Variants in IL16 observed in about 807,000 individuals in gnomAD.
The protein encoded by IL16 is interleukin 16.
A neutral mutation model predicts 110.1 loss-of-function variants in IL16; 67 were observed. The ratio of observed to expected loss-of-function variants is 0.61; its 90% confidence interval spans 0.50 to 0.75. The LOEUF is 0.75. Among genes scored for constraint, IL16 ranks in the 30% least tolerant of loss-of-function variants. The probability of loss-of-function intolerance (pLI) is 0.00; values close to 1 mark genes in which losing one functional copy is unlikely to be tolerated. For missense variants in IL16, 1,545 were observed against 1,655.0 expected, an observed-to-expected ratio of 0.93 and a Z score of 1.15; for synonymous variants, 689 against 662.9, an observed-to-expected ratio of 1.04 and a Z score of -0.61.
At chr15:81,275,356 A>AGGAGGGGGGGGAGGGGAGG (rs1413201570) in intron 6 of IL16, among the ~76,000 whole-genome samples, 4 of 19,264 alleles carry the variant, frequency 2.1e-4, no homozygotes, top group African/African-American at 7.7e-4. Flanking sequence ...TTGACGGGGG[A>AGGAGGGGGGGGAGGGGAGG]GGAGGGGGGG....
chr15:81,186,244 C>A (rs776950295), intron 1 of IL16, among the ~76,000 whole-genome samples: 1 of 152,204 alleles, frequency 6.6e-6, no homozygotes, highest in African/African-American at 2.4e-5. Context: ...TTACCTACAG[C>A]GCTTTATTTT....
At chr15:81,258,529 C>T (rs542602761) in intron 2 of IL16, among the ~76,000 whole-genome samples, 4 of 152,006 alleles carry the variant, frequency 2.6e-5, no homozygotes, top group African/African-American at 4.8e-5. Context: ...GATGAAACTC[C>T]GTCTCTACAA....
chr15:81,306,827 G>T (rs1900593538), intron 18 of IL16: 2 of 471,342 alleles, frequency 4.2e-6, no homozygotes, highest in Non-Finnish European at 7.8e-6. Context: ...GTGGGGCAGT[G>T]AGGCACTGGC....
chr15:81,183,844 C>T (rs967690226), intron 1 of IL16, among the ~76,000 whole-genome samples: 2 of 152,182 alleles, frequency 1.3e-5, no homozygotes, highest in Non-Finnish European at 1.5e-5. Flanking sequence ...TTCAAAGGCT[C>T]ACTTTCCTCC....
At chr15:81,195,985 G>A (rs912386124), upstream of IL16, among the ~76,000 whole-genome samples, 10 of 151,696 alleles carry the variant, frequency 6.6e-5, no homozygotes, top group African/African-American at 2.4e-4. Flanking sequence ...TATACGTTAG[G>A]TCATGGGCTC....
At chr15:81,246,969 A>G (rs930413336) in intron 2 of IL16, among the ~76,000 whole-genome samples, 3 of 151,498 alleles carry the variant, frequency 2.0e-5, no homozygotes, top group African/African-American at 4.8e-5. Context: ...AATTTATGCT[A>G]TACAGTTATT....
chr15:81,292,654 A>G lies in IL16; in HGVS notation c.1519A>G (p.Met507Val). The G allele has an allele frequency of 6.2e-7, 1 of 1,614,056 alleles. No homozygotes were observed. The highest frequency in any genetic ancestry group is 1.7e-4 in the Middle Eastern group (1 of 6,058). Residue 507 changes from methionine to valine, a missense_variant, in exon 12 of 19, where the codon ATG (methionine) becomes GTG (valine). Met to Val is a conservative substitution (Grantham distance 21). Around this residue, in one of 3 missense-constraint regions of IL16, gnomAD observed 1,185 missense variants for 1,238.8 expected, o/e 0.96. Coordinates refer to ENST00000683961, the MANE Select transcript of IL16 (RefSeq NM_172217.5). ...APPHRRAQKV[M>V]IRSSSDSSYM... is the part of the protein sequence containing the mutation. ...CCCGCATCGCAGGGCTCAGAAGGTC[A>G]TGATCCGCTCCAGCAGTGACAGCAG...
At chr15:81,193,555 A>G (rs1895531571), upstream of IL16, among the ~76,000 whole-genome samples, 1 of 152,160 alleles carries the variant, frequency 6.6e-6, no homozygotes, top group Admixed American at 6.5e-5. Context: ...CCTGATGGAC[A>G]GTTTGAAAGA....
intron 1 of IL16, among the ~76,000 whole-genome samples, chr15:81,216,440 A>G (rs1205540225): frequency 6.6e-6 from 1 of 152,066 alleles, no homozygotes; most frequent in Non-Finnish European, 1.5e-5. Flanking sequence ...TTCCCTCTTC[A>G]GCCTCAGCTT....
intron 2 of IL16, among the ~76,000 whole-genome samples, chr15:81,259,216 AT>A (rs1448205202): frequency 6.6e-6 from 1 of 152,230 alleles, no homozygotes; most frequent in Non-Finnish European, 1.5e-5. Context: ...TTTATATAAC[AT>A]TCATTCCGCA....
intron 1 of IL16, 125 bp from the exon 2 acceptor site, chr15:81,225,174 A>T (rs1267379553): frequency 4.0e-6 from 3 of 741,020 alleles, no homozygotes; most frequent in Non-Finnish European, 6.3e-6. Context: ...ATCTTAAAGG[A>T]TGATCTGCCC....
chr15:81,290,902 A>G (rs1386821912), intron 11 of IL16, among the ~76,000 whole-genome samples: 1 of 152,278 alleles, frequency 6.6e-6, no homozygotes, highest in African/African-American at 2.4e-5. Context: ...ATAGAATATT[A>G]GAAAAACTAA....
At chr15:81,207,155 G>A (rs1179028235) in intron 1 of IL16, among the ~76,000 whole-genome samples, 5 of 150,836 alleles carry the variant, frequency 3.3e-5, no homozygotes, top group South Asian at 2.1e-4. Context: ...GGAGAATGGC[G>A]TGAACCTGGG....
chr15:81,263,195 G>A (rs1054592963), intron 3 of IL16, among the ~76,000 whole-genome samples: 1 of 152,096 alleles, frequency 6.6e-6, no homozygotes, highest in Non-Finnish European at 1.5e-5. Flanking sequence ...CATGAAAGAT[G>A]AAGAAGTTAG....
In IL16 at chr15:81,186,246, C is replaced by CTTTATT. The variant is rs1489959721; in HGVS notation, c.40+3366_40+3371dup. 2.0e-5 allele frequency among the ~76,000 whole-genome samples: 3 copies of CTTTATT among 152,300 alleles called. No individual in the cohort carries two copies. In the East Asian group the frequency reaches 5.8e-4, roughly 29 times the overall value. On this transcript the variant is annotated intron_variant, in intron 1 of 18. Transcript: ENST00000302987. The stretch of plus-strand genomic sequence containing the variant: ...GACTCATTTGATCTTACCTACAGCG[C>CTTTATT]TTTATTTTTATTTTTATTTTTTATT...
At chr15:81,282,508 C>CTACTCTGTGAA in intron 8 of IL16, 131 bp from the exon 9 acceptor site, 1 of 722,130 alleles carries the variant, frequency 1.4e-6, no homozygotes, top group Non-Finnish European at 2.5e-6. Context: ...CACACAACGA[C>CTACTCTGTGAA]TACTCTGTGA....
chr15:81,267,479 GACACAC>G lies in IL16; in HGVS notation c.564+1700_564+1705del, dbSNP rs56259509. On this transcript the variant is annotated intron_variant, in intron 4 of 18. Transcript: ENST00000683961. ...ACACATACGCAGACACACATACACA[GACACAC>G]ACACACACACACACACACACAGAGA... Among the ~76,000 whole-genome samples, 23 of 107,708 alleles carry G rather than the reference GACACAC, an allele frequency of 2.1e-4. No homozygotes were observed. In the East Asian group the frequency reaches 2.8e-3, roughly 13 times the overall value. 70.7% of individuals were successfully genotyped at this position (107,708 alleles called of 152,430 possible).
intron 1 of IL16, among the ~76,000 whole-genome samples, chr15:81,197,433 T>C (rs888925323): frequency 6.6e-6 from 1 of 152,140 alleles, no homozygotes; most frequent in East Asian, 1.9e-4. Flanking sequence ...GGGGAGAATT[T>C]GGTCCTGAGA....
chr15:81,247,224 C>T lies in IL16; in HGVS notation c.313-12548C>T, dbSNP rs563126180. Among the ~76,000 whole-genome samples the T allele has an allele frequency of 8.6e-4, 130 of 151,636 alleles. 1 individual carries two copies. The highest frequency in any genetic ancestry group is 1.7e-3 in the Non-Finnish European group (115 of 67,890). The stretch of plus-strand genomic sequence containing the variant: ...TAATAAATTTTGTCCATATCTTTAT[C>T]GTTTTCTCTACTTTCTTTGATGATT... On this transcript the variant is annotated intron_variant, in intron 2 of 18. Coordinates refer to ENST00000683961, the MANE Select transcript of IL16 (RefSeq NM_172217.5).
Sources: gnomAD v4.1 joint callset for allele counts (sites outside exome capture counted in the v4.1 genomes callset) on GRCh38, gnomAD v4.1.1 for gene constraint, gnomAD v4.1.1 regional missense constraint, MANE v1.5 for transcripts, NCBI Gene and HGNC (gene_info 2026-07-23, HGNC 2026-07-21) for gene names.